Variants in LRP1B observed in about 807,000 individuals in gnomAD.
The protein encoded by LRP1B is LDL receptor related protein 1B, also known as low-density lipoprotein receptor-related protein 1B.
Under a neutral mutation model 556.6 loss-of-function variants are expected in LRP1B, and 217 were observed. The ratio of observed to expected loss-of-function variants is 0.39; its 90% CI spans 0.35 to 0.44. LRP1B has a LOEUF of 0.44. Ranked by LOEUF, LRP1B falls within the 20% of genes least tolerant of loss-of-function variation. LRP1B has a pLI of 1.00. For missense variants in LRP1B, 5,053 were observed against 5,620.8 expected (o/e 0.90, Z 3.23); for synonymous variants, 2,047 against 1,865.8 (o/e 1.10, Z -2.50).
rs1553533136 is a variant in LRP1B at position 141,544,322 on chromosome 2, C to CTTCTTCTTCTTCTT, written c.206-63803_206-63790dup. ...TCTTCTTCTTCTTCTTCTTCTTCTT[C>CTTCTTCTTCTTCTT]TTCTTCTTCTTCTTCTTCTTCTTCT... On this transcript the variant is annotated intron_variant, in intron 2 of 90. Coordinates refer to ENST00000389484, the MANE Select transcript of LRP1B (RefSeq NM_018557.3). 4.6e-3 allele frequency among the ~76,000 whole-genome samples: 233 copies of CTTCTTCTTCTTCTT among 50,346 alleles called. 6 individuals carry two copies. Among genetic ancestry groups the CTTCTTCTTCTTCTT allele is most frequent in the East Asian group, 0.033 (39 of 1,194 alleles). 33.0% of individuals were successfully genotyped at this position (50,346 alleles called of 152,430 possible).
At chr2:140,443,834 C>T (rs1175991242) in intron 65 of LRP1B, among the ~76,000 whole-genome samples, 1 of 152,050 alleles carries the variant, frequency 6.6e-6, no homozygotes, top group Non-Finnish European at 1.5e-5. Context: ...TTAAATGGAG[C>T]AATATTTAGA....
At chr2:141,779,944 T>C (rs1695197143) in intron 2 of LRP1B, among the ~76,000 whole-genome samples, 1 of 151,562 alleles carries the variant, frequency 6.6e-6, no homozygotes, top group African/African-American at 2.4e-5. Context: ...ATTTAAAACT[T>C]CTATTATGTC....
At chr2:141,675,074 A>G (rs1383545405) in intron 2 of LRP1B, among the ~76,000 whole-genome samples, 1 of 151,798 alleles carries the variant, frequency 6.6e-6, no homozygotes, top group Non-Finnish European at 1.5e-5. Flanking sequence ...TGTTGTTCTT[A>G]TATTTTGCCC....
At chr2:140,425,219 T>C (rs952118369) in intron 66 of LRP1B, among the ~76,000 whole-genome samples, 1 of 152,184 alleles carries the variant, frequency 6.6e-6, no homozygotes, top group Non-Finnish European at 1.5e-5. Flanking sequence ...CAATAGATAG[T>C]AATTTTAAGA....
intron 1 of LRP1B, among the ~76,000 whole-genome samples, chr2:142,056,488 G>A (rs1229370733): frequency 6.6e-6 from 1 of 152,100 alleles, no homozygotes; most frequent in Non-Finnish European, 1.5e-5. Context: ...TAGGAAGGGA[G>A]AGGAGTCTAT....
intron 7 of LRP1B, among the ~76,000 whole-genome samples, chr2:141,135,257 C>G (rs1001433325): frequency 2.0e-5 from 3 of 151,874 alleles, no homozygotes; most frequent in African/African-American, 7.2e-5. Flanking sequence ...TACTTGTCAG[C>G]ACACAGAATG....
intron 2 of LRP1B, among the ~76,000 whole-genome samples, chr2:141,696,238 GA>G (rs937994883): frequency 6.6e-6 from 1 of 151,852 alleles, no homozygotes; most frequent in African/African-American, 2.4e-5. Context: ...CTACACTGTT[GA>G]AATAAATCTA....
chr2:140,296,040 G>A (rs1162254300), intron 84 of LRP1B, among the ~76,000 whole-genome samples: 1 of 152,144 alleles, frequency 6.6e-6, no homozygotes, highest in Non-Finnish European at 1.5e-5. Flanking sequence ...GGTCTGGACA[G>A]TGAGTATATT....
rs138717764 is a variant in LRP1B, at chr2:140,783,038, T to C, written c.5360-6800A>G. 2.5e-3 allele frequency among the ~76,000 whole-genome samples: 377 copies of C among 152,300 alleles called. 1 individual carries two copies. The highest frequency in any genetic ancestry group is 5.6e-3 in the Admixed American group (85 of 15,290). ...TCTCCCATTGGACCTAATAACACTA[T>C]ACTACTCAGTGCAAACATAACTTGA... is the stretch of plus-strand genomic sequence containing the variant. On this transcript the variant is annotated intron_variant, in intron 32 of 90. Coordinates refer to ENST00000389484, the MANE Select transcript of LRP1B (RefSeq NM_018557.3).
At chr2:141,470,783 C>T (rs1399980082) in intron 3 of LRP1B, among the ~76,000 whole-genome samples, 1 of 152,090 alleles carries the variant, frequency 6.6e-6, no homozygotes, top group Non-Finnish European at 1.5e-5. Context: ...AGCTGAGTGA[C>T]AGTTTGTTAT....
At chr2:141,216,849 T>G (rs1286026940) in intron 6 of LRP1B, among the ~76,000 whole-genome samples, 1 of 152,160 alleles carries the variant, frequency 6.6e-6, no homozygotes, top group African/African-American at 2.4e-5. Flanking sequence ...CCTGATTCCA[T>G]TATAGGTACA....
At chr2:141,457,817 A>T (rs1681689329) in intron 3 of LRP1B, among the ~76,000 whole-genome samples, 1 of 152,156 alleles carries the variant, frequency 6.6e-6, no homozygotes, top group South Asian at 2.1e-4. Context: ...CAGAAAATGG[A>T]AGCCCAGGGA....
At chr2:140,260,992 G>A (rs1161180380) in intron 86 of LRP1B, among the ~76,000 whole-genome samples, 2 of 151,196 alleles carry the variant, frequency 1.3e-5, no homozygotes, top group Admixed American at 1.3e-4. Flanking sequence ...ATAGTAGTTG[G>A]TCAGTAAATA....
chr2:140,930,472 T>TA (rs199948057), intron 20 of LRP1B, among the ~76,000 whole-genome samples: 2 of 152,020 alleles, frequency 1.3e-5, no homozygotes, highest in African/African-American at 2.4e-5. Context: ...TTCCTAATGT[T>TA]AAAAAAATGA....
At chr2:140,438,286 T>C (rs189791391) in intron 66 of LRP1B, among the ~76,000 whole-genome samples, 1 of 152,200 alleles carries the variant, frequency 6.6e-6, no homozygotes, top group Non-Finnish European at 1.5e-5. Flanking sequence ...ATTACAGGCA[T>C]GAGCCACCAC....
At chr2:141,674,130 A>C (rs900049436) in intron 2 of LRP1B, among the ~76,000 whole-genome samples, 5 of 152,074 alleles carry the variant, frequency 3.3e-5, no homozygotes, top group Admixed American at 3.3e-4. Flanking sequence ...CATATTCCAT[A>C]ATCTTATACA....
At chr2:140,470,042 C>T (rs762053974) in intron 60 of LRP1B, among the ~76,000 whole-genome samples, 4 of 152,118 alleles carry the variant, frequency 2.6e-5, no homozygotes, top group African/African-American at 4.8e-5. Context: ...GAGGATGACC[C>T]CTGTTCTTGG....
intron 20 of LRP1B, among the ~76,000 whole-genome samples, chr2:140,924,662 C>T (rs915601598): frequency 6.6e-6 from 1 of 152,094 alleles, no homozygotes; most frequent in African/African-American, 2.4e-5. Flanking sequence ...AGAACACATG[C>T]AATAATAAAG....
intron 3 of LRP1B, among the ~76,000 whole-genome samples, chr2:141,470,346 A>G (rs1373468960): frequency 6.6e-6 from 1 of 152,206 alleles, no homozygotes; most frequent in Admixed American, 6.5e-5. Flanking sequence ...AGATTTAGAC[A>G]TTGAATACTT....
Sources: allele counts gnomAD v4.1 joint callset (sites outside exome capture counted in the v4.1 genomes callset), GRCh38; gene constraint gnomAD v4.1.1; transcripts MANE v1.5; gene names NCBI Gene and HGNC (gene_info 2026-07-23, HGNC 2026-07-21).